Variants in CFAP299 observed in about 807,000 individuals in gnomAD.
CFAP299 encodes the protein cilia and flagella associated protein 299, also known as cilia- and flagella-associated protein 299.
CFAP299 carries 21 observed loss-of-function variants against 27.0 expected under a neutral mutation model. That is an observed-to-expected ratio of 0.78 (90% CI 0.55 to 1.12). The LOEUF (loss-of-function observed/expected upper bound fraction) is 1.12. Among genes scored for constraint, CFAP299 ranks in the 50% most tolerant of loss-of-function variants. The pLI, the probability that CFAP299 is intolerant of heterozygous loss-of-function variation, is 0.00. For synonymous variants in CFAP299, 104 were observed against 98.1 expected (o/e 1.06, Z -0.36); for missense variants, 310 against 276.6 (o/e 1.12, Z -0.86).
At chr4:80,938,297 C>T (rs117815135) in intron 4 of CFAP299, among the ~76,000 whole-genome samples, 3,313 of 152,254 alleles carry the variant, frequency 0.022, 66 homozygotes, top group South Asian at 0.08. Context: ...ATGACACCCA[C>T]GCTTGAAGGT....
At chr4:80,511,949 A>T (rs2110164403) in intron 2 of CFAP299, among the ~76,000 whole-genome samples, 1 of 152,244 alleles carries the variant, frequency 6.6e-6, no homozygotes, top group South Asian at 2.1e-4. Flanking sequence ...GAGACCCAAA[A>T]ATTAACTTTT....
chr4:80,712,810 G>A (rs1722251566), intron 3 of CFAP299, among the ~76,000 whole-genome samples: 1 of 152,130 alleles, frequency 6.6e-6, no homozygotes, highest in Admixed American at 6.6e-5. Flanking sequence ...TACTGTAAGT[G>A]CCCATATTTA....
chr4:80,732,009 TCTC>T (rs1723553458), intron 3 of CFAP299, among the ~76,000 whole-genome samples: 1 of 151,920 alleles, frequency 6.6e-6, no homozygotes, highest in African/African-American at 2.4e-5. Context: ...GTAGACTATT[TCTC>T]CTTAAAAGTG....
At chr4:80,517,869 C>T (rs1732663306) in intron 2 of CFAP299, among the ~76,000 whole-genome samples, 1 of 152,070 alleles carries the variant, frequency 6.6e-6, no homozygotes. Flanking sequence ...ACTATGAATA[C>T]AAAAGGACAT....
At chr4:80,797,287 G>GTT (rs1727922459) in intron 3 of CFAP299, among the ~76,000 whole-genome samples, 1 of 152,128 alleles carries the variant, frequency 6.6e-6, no homozygotes, top group African/African-American at 2.4e-5. Context: ...CATTCAAAGG[G>GTT]TTTTGGGTCT....
chr4:80,641,570 T>G (rs1034678457), intron 3 of CFAP299, among the ~76,000 whole-genome samples: 1 of 152,200 alleles, frequency 6.6e-6, no homozygotes, highest in African/African-American at 2.4e-5. Flanking sequence ...TTTGCCCTAT[T>G]TATCAACTTA....
chr4:80,823,824 A>C (rs563923011), intron 3 of CFAP299, among the ~76,000 whole-genome samples: 49 of 152,112 alleles, frequency 3.2e-4, no homozygotes, highest in Non-Finnish European at 5.9e-4. Flanking sequence ...TACCAGCACA[A>C]GTTTACCTAG....
At chr4:80,667,832 A>T (rs1425099764) in intron 3 of CFAP299, among the ~76,000 whole-genome samples, 1 of 152,092 alleles carries the variant, frequency 6.6e-6, no homozygotes, top group African/African-American at 2.4e-5. Context: ...TTTTTGATGT[A>T]TACTCAGTAG....
At chr4:80,387,027 C>T (rs1481067195) in intron 2 of CFAP299, 19 of 1,285,528 alleles carry the variant, frequency 1.5e-5, no homozygotes, top group Admixed American at 5.1e-5. Flanking sequence ...CTGCAGGTAG[C>T]GTTCACAAGG....
chr4:80,643,938 T>C (rs1397551205), intron 3 of CFAP299, among the ~76,000 whole-genome samples: 3 of 152,336 alleles, frequency 2.0e-5, no homozygotes, highest in African/African-American at 7.2e-5. Flanking sequence ...GATGCTTTAG[T>C]ATTTATATGA....
At chr4:80,734,124 C>A (rs1333183638) in intron 3 of CFAP299, among the ~76,000 whole-genome samples, 1 of 152,146 alleles carries the variant, frequency 6.6e-6, no homozygotes, top group African/African-American at 2.4e-5. Flanking sequence ...TCCTCACCAG[C>A]ATTTCCTATT....
At chr4:80,350,112 C>A (rs138705361) in intron 1 of CFAP299, among the ~76,000 whole-genome samples, 1 of 152,170 alleles carries the variant, frequency 6.6e-6, no homozygotes, top group Non-Finnish European at 1.5e-5. Context: ...CCTCAGTAAC[C>A]TGTGGGGCAA....
chr4:80,817,296 G>C (rs1729469799), intron 3 of CFAP299, among the ~76,000 whole-genome samples: 1 of 151,550 alleles, frequency 6.6e-6, no homozygotes, highest in African/African-American at 2.4e-5. Flanking sequence ...ATATTACATA[G>C]TATATTATTA....
intron 2 of CFAP299, among the ~76,000 whole-genome samples, chr4:80,413,133 A>T (rs1726811595): frequency 6.9e-6 from 1 of 145,520 alleles, no homozygotes; most frequent in Admixed American, 6.8e-5. Flanking sequence ...GTGCGATAAC[A>T]TGAAAAGTAT....
intron 2 of CFAP299, among the ~76,000 whole-genome samples, chr4:80,500,779 C>G (rs1022892044): frequency 1.3e-5 from 2 of 152,060 alleles, no homozygotes; most frequent in African/African-American, 4.8e-5. Flanking sequence ...CCAACAAACC[C>G]ACAATATTGG....
At chr4:80,669,494 T>C (rs1360827564) in intron 3 of CFAP299, among the ~76,000 whole-genome samples, 1 of 152,088 alleles carries the variant, frequency 6.6e-6, no homozygotes, top group Non-Finnish European at 1.5e-5. Context: ...TATTGGCATA[T>C]ATAAATGCCA....
At chr4:80,843,796 AC>A (rs1245349199) in intron 3 of CFAP299, among the ~76,000 whole-genome samples, 10 of 151,914 alleles carry the variant, frequency 6.6e-5, no homozygotes, top group Admixed American at 2.6e-4. Context: ...GTTTTAGGGT[AC>A]ATGTGCACAA....
rs1331889102 is a variant in CFAP299 at position 80,558,353 on chromosome 4, TG to T, written c.243-24739del. On this transcript the variant is annotated intron_variant, in intron 2 of 5. Coordinates refer to ENST00000358105, the MANE Select transcript of CFAP299 (RefSeq NM_152770.3). Reference sequence around the variant, plus strand: ...GACTTTTGTGGTTTTTTTGTTTGTTTGTTTGTTTGTTTGTTTTTTTTTTGGC... The same window carrying T: ...GACTTTTGTGGTTTTTTTGTTTGTTTTTTGTTTGTTTGTTTTTTTTTTGGC... 1.0e-3 allele frequency among the ~76,000 whole-genome samples: 144 copies of T among 143,630 alleles called. 1 individual carries two copies. The highest frequency in any genetic ancestry group is 3.6e-3 in the African/African-American group (133 of 36,552). 94.2% of individuals were successfully genotyped at this position (143,630 alleles called of 152,430 possible). A position where few individuals can be genotyped will look rare whatever the true frequency, so the allele number is the denominator to read the frequency against.
At position 80,765,727 on chromosome 4, in the gene CFAP299, C is replaced by T. The variant is rs531615230; in HGVS notation, c.334-104266C>T. 2.0e-4 allele frequency among the ~76,000 whole-genome samples: 31 copies of T among 151,470 alleles called. 1 individual carries two copies. In the East Asian group the frequency reaches 3.1e-3, roughly 15 times the overall value. On this transcript the variant is annotated intron_variant, in intron 3 of 5. Coordinates refer to ENST00000358105, the MANE Select transcript of CFAP299 (RefSeq NM_152770.3). ...ACAAAAACTAAATGAATTTCTAAAA[C>T]GAAATAAAAATATTGTGTAATAATT...
Sources: allele counts gnomAD v4.1 joint callset (sites outside exome capture counted in the v4.1 genomes callset), GRCh38; gene constraint gnomAD v4.1.1; transcripts MANE v1.5; gene names NCBI Gene and HGNC (gene_info 2026-07-23, HGNC 2026-07-21).